The following DGKB variants were observed in gnomAD, a reference collection of about 807,000 sequenced individuals.
The protein encoded by DGKB is diacylglycerol kinase beta, also known as 90 kDa diacylglycerol kinase.
In DGKB, 67 loss-of-function variants were observed where a neutral mutation model predicts 114.3. That is an observed-to-expected ratio of 0.59 (90% CI 0.48 to 0.72). The LOEUF is 0.72. DGKB is among the 30% of genes least tolerant of loss of function. The pLI, the probability that DGKB is intolerant of heterozygous loss-of-function variation, is 0.00. For synonymous variants in DGKB, 398 were observed against 323.1 expected (o/e 1.23, Z -2.49); for missense variants, 907 against 975.2 (o/e 0.93, Z 0.93).
intron 1 of DGKB, among the ~76,000 whole-genome samples, chr7:14,931,070 T>C (rs1229051232): frequency 2.0e-5 from 3 of 152,114 alleles, no homozygotes; most frequent in African/African-American, 7.2e-5. Context: ...TTGGTTATAG[T>C]GTATTAACGT....
chr7:14,170,954 A>C (rs1204964133), intron 25 of DGKB, among the ~76,000 whole-genome samples: 6 of 152,140 alleles, frequency 3.9e-5, no homozygotes, highest in Admixed American at 2.6e-4. Context: ...CAAGTCAGAA[A>C]ATAGCATCTC....
intron 2 of DGKB, among the ~76,000 whole-genome samples, chr7:14,769,121 GAAAGAGAGA>G (rs1836941401): frequency 1.1e-5 from 1 of 90,198 alleles, no homozygotes; most frequent in African/African-American, 7.5e-5. Flanking sequence ...AAGAAAGAAA[GAAAGAGAGA>G]GAGAGAAAGA....
At chr7:14,450,416 T>G (rs1831313365) in intron 21 of DGKB, among the ~76,000 whole-genome samples, 1 of 152,092 alleles carries the variant, frequency 6.6e-6, no homozygotes, top group African/African-American at 2.4e-5. Flanking sequence ...GACAAAATAA[T>G]TAATATGCCA....
At position 14,346,359 on chromosome 7, in the gene DGKB, T is replaced by C. The variant is rs553363637; in HGVS notation, c.1836-968A>G. On this transcript the variant is annotated intron_variant, in intron 21 of 25. Transcript: ENST00000402815. Reference sequence around the variant, plus strand: ...TGCTATGTTAAATCCAATAGAGTGCTTATTATTATGCAGAGTTCTCTGATA... The same window carrying C: ...TGCTATGTTAAATCCAATAGAGTGCCTATTATTATGCAGAGTTCTCTGATA... Among the ~76,000 whole-genome samples the C allele has an allele frequency of 2.0e-5, 3 of 152,064 alleles. No homozygotes were observed. In the South Asian group the frequency reaches 6.2e-4, roughly 31 times the overall value.
chr7:14,927,604 G>T (rs1278941691), intron 1 of DGKB, among the ~76,000 whole-genome samples: 5 of 148,080 alleles, frequency 3.4e-5, no homozygotes, highest in Admixed American at 1.4e-4. Flanking sequence ...TAAAATAAAG[G>T]TTGAATTATA....
intron 21 of DGKB, among the ~76,000 whole-genome samples, chr7:14,383,439 T>G (rs2128688145): frequency 6.6e-6 from 1 of 152,314 alleles, no homozygotes; most frequent in Non-Finnish European, 1.5e-5. Context: ...CATTTTAGCT[T>G]AAAGAAAACA....
At chr7:14,834,712 C>T (rs1412495109) in intron 2 of DGKB, among the ~76,000 whole-genome samples, 3 of 152,106 alleles carry the variant, frequency 2.0e-5, no homozygotes, top group African/African-American at 7.2e-5. Flanking sequence ...ACTAAGACTT[C>T]GTACATTTTT....
chr7:14,465,583 G>C (rs548612558), intron 21 of DGKB, among the ~76,000 whole-genome samples: 11 of 152,212 alleles, frequency 7.2e-5, no homozygotes, highest in Non-Finnish European at 1.6e-4. Context: ...TGTTAATTTA[G>C]TTTTGCAACA....
intron 20 of DGKB, among the ~76,000 whole-genome samples, chr7:14,486,357 G>T (rs1231188940): frequency 2.0e-5 from 3 of 152,204 alleles, no homozygotes; most frequent in Non-Finnish European, 4.4e-5. Flanking sequence ...CAAAAAGTCT[G>T]TGGGAAACCA....
At chr7:14,905,337 A>G (rs1281363588), upstream of DGKB, among the ~76,000 whole-genome samples, 3 of 150,772 alleles carry the variant, frequency 2.0e-5, no homozygotes, top group Admixed American at 2.0e-4. Context: ...TTGGTAATGG[A>G]GGAAGAAAAT....
In DGKB at chr7:14,757,713, T is replaced by C; in HGVS notation, c.89A>G (p.Lys30Arg). ...ACCATGGAATTCTTCAAGAACATCC[T>C]TTAATTTCTTTGTAGAATCTATAAA... ...KYAEYSTKKL[K>R]DVLEEFHGNG... Residue 30 changes from lysine (K) to arginine (R), a missense_variant, in exon 3 of 26, where the codon AAG (lysine) becomes AGG (arginine). Lys to Arg is a conservative substitution (Grantham distance 26). Transcript: ENST00000402815. 1 of 1,601,364 alleles carries C rather than the reference T, an allele frequency of 6.2e-7. No individual in the cohort carries two copies. The highest frequency in any genetic ancestry group is 8.5e-7 in the Non-Finnish European group (1 of 1,170,100).
intron 21 of DGKB, among the ~76,000 whole-genome samples, chr7:14,463,347 C>A (rs1443102913): frequency 6.6e-6 from 1 of 152,118 alleles, no homozygotes; most frequent in Non-Finnish European, 1.5e-5. Flanking sequence ...ACCTATGTAA[C>A]AAAACTACAT....
intron 5 of DGKB, among the ~76,000 whole-genome samples, chr7:14,729,485 T>C (rs1386835335): frequency 6.6e-6 from 1 of 152,230 alleles, no homozygotes; most frequent in Non-Finnish European, 1.5e-5. Context: ...TTTGAATCTA[T>C]GAATACTGAA....
chr7:14,613,450 G>A, intron 15 of DGKB, 37 bp from the exon 16 acceptor site: 1 of 1,118,470 alleles, frequency 8.9e-7, no homozygotes, highest in Non-Finnish European at 1.3e-6. Context: ...AAATTATTAG[G>A]CCCATTATAT....
intron 21 of DGKB, among the ~76,000 whole-genome samples, chr7:14,355,830 T>G (rs1025579679): frequency 6.6e-6 from 1 of 152,188 alleles, no homozygotes; most frequent in African/African-American, 2.4e-5. Context: ...CTCTGTTGAT[T>G]GGAATAGTTT....
At chr7:14,709,980 GAA>G (rs1295410733) in intron 6 of DGKB, among the ~76,000 whole-genome samples, 79 of 141,566 alleles carry the variant, frequency 5.6e-4, no homozygotes, top group African/African-American at 1.8e-3. Context: ...AAAAAAAAAA[GAA>G]AAGAAAAGAA....
At chr7:14,848,413 G>A (rs1848924078) in intron 1 of DGKB, among the ~76,000 whole-genome samples, 1 of 152,126 alleles carries the variant, frequency 6.6e-6, no homozygotes, top group Non-Finnish European at 1.5e-5. Context: ...GTTGTTTTGG[G>A]ATGTATTAAG....
chr7:14,268,881 T>C (rs1395318767), intron 23 of DGKB: 2 of 152,212 alleles, frequency 1.3e-5, no homozygotes, highest in African/African-American at 4.8e-5. Context: ...TGGTTATCTA[T>C]TGTGAATAAT....
At chr7:14,677,588 C>T (rs975545952) in intron 12 of DGKB, among the ~76,000 whole-genome samples, 1 of 151,896 alleles carries the variant, frequency 6.6e-6, no homozygotes, top group Non-Finnish European at 1.5e-5. Context: ...TAAATAAAAT[C>T]CCTCAACTTC....
Sources: allele counts gnomAD v4.1 joint callset (sites outside exome capture counted in the v4.1 genomes callset), GRCh38; gene constraint gnomAD v4.1.1; transcripts MANE v1.5; gene names NCBI Gene and HGNC (gene_info 2026-07-23, HGNC 2026-07-21).